Variants in FAM174C observed in about 807,000 individuals in gnomAD.
FAM174C encodes family with sequence similarity 174 member C, also known as protein FAM174C.
Under a neutral mutation model 12.3 loss-of-function variants are expected in FAM174C, and 19 were observed. That is an observed-to-expected ratio of 1.55 (90% confidence interval 1.08 to 2.27). FAM174C has a LOEUF of 2.27. FAM174C is among the 30% of genes most tolerant of loss of function. The pLI, the probability that FAM174C is intolerant of heterozygous loss-of-function variation, is 0.00. For missense variants in FAM174C, 239 were observed against 190.2 expected (o/e 1.26, Z -1.51); for synonymous variants, 147 against 103.5 (o/e 1.42, Z -2.55).
intron 1 of FAM174C, chr19:1,276,150 G>A: frequency 2.7e-6 from 1 of 373,538 alleles, no homozygotes; most frequent in Non-Finnish European, 4.9e-6. Context: ...TCAGGCCCTG[G>A]CGGGGCGAGG....
At position 1,278,872 on chromosome 19, in the gene FAM174C, C is replaced by T; in HGVS notation, c.*95C>T. 1.2e-6 allele frequency: 2 copies of T among 1,613,096 alleles called. No homozygotes were observed. Among genetic ancestry groups the T allele is most frequent in the Non-Finnish European group, 1.7e-6 (2 of 1,179,844 alleles). On this transcript the variant is annotated 3_prime_UTR_variant, in exon 3 of 3. Coordinates refer to ENST00000409293, the MANE Select transcript of FAM174C (RefSeq NM_017914.4). ...CCCAGCAACCCCCTGCTCCACCGCT[C>T]ATTCCCCTGCTGGCCCCGGGGCTGG...
intron 2 of FAM174C, 36 bp from the exon 3 acceptor site, chr19:1,278,741 A>G (rs768967740): frequency 6.2e-6 from 10 of 1,610,052 alleles, no homozygotes; most frequent in African/African-American, 1.3e-5. Context: ...CGGGCCCTTC[A>G]CTCCTTCCCT....
At chr19:1,278,713 A>G in intron 2 of FAM174C, 64 bp from the exon 3 acceptor site, 1 of 1,600,266 alleles carries the variant, frequency 6.2e-7, no homozygotes, top group Non-Finnish European at 8.5e-7. Flanking sequence ...GACCTGGGTG[A>G]GCCTCTGCCC....
Position 1,279,028 on chromosome 19 carries a change from A to G in FAM174C, c.*251A>G. The G allele has an allele frequency of 6.2e-7, 1 of 1,611,744 alleles. No individual in the cohort carries two copies. The highest frequency in any genetic ancestry group is 8.5e-7 in the Non-Finnish European group (1 of 1,179,950). On this transcript the variant is annotated 3_prime_UTR_variant, in exon 3 of 3. Coordinates refer to ENST00000409293, the MANE Select transcript of FAM174C (RefSeq NM_017914.4). Reference sequence around the variant, plus strand: ...CTGTCCCAGCCTGGCCGAGGGTCCCAGGTGAAGACTGGAGGGACCCCAACA... The same window carrying G: ...CTGTCCCAGCCTGGCCGAGGGTCCCGGGTGAAGACTGGAGGGACCCCAACA...
Position 1,277,444 on chromosome 19 carries a change from G to C in FAM174C, c.398+145G>C. The C allele has an allele frequency of 3.2e-6, 4 of 1,265,704 alleles. No individual in the cohort carries two copies. In the South Asian group the frequency reaches 9.1e-5, roughly 29 times the overall value. 78.4% of individuals were successfully genotyped at this position (1,265,704 alleles called of 1,614,324 possible). On this transcript the variant is annotated intron_variant, in intron 2 of 2. Transcript: ENST00000409293. ...GTCAGGCCATGGCCCCACTGGGCAGGGCTCATCCCTTCTCCCAGCCTCCAT... is the reference window on the plus strand; with the variant it reads ...GTCAGGCCATGGCCCCACTGGGCAGCGCTCATCCCTTCTCCCAGCCTCCAT...
intron 1 of FAM174C, chr19:1,276,541 G>T (rs1600042077): frequency 6.6e-6 from 1 of 152,356 alleles, no homozygotes; most frequent in Non-Finnish European, 1.5e-5. Context: ...CCCTGGCAAA[G>T]TCAAGCCGCT....
chr19:1,278,059 G>C (rs1337299436), intron 2 of FAM174C: 2 of 153,214 alleles, frequency 1.3e-5, no homozygotes, highest in Non-Finnish European at 2.9e-5. Context: ...ACAGGTGTGA[G>C]CCACCGTGGT....
Position 1,275,912 on chromosome 19 carries a change from G to A in FAM174C, c.281+82G>A, listed in dbSNP as rs912503173. ...AGTGCGTCACGTGCCGGGCCGCGGGGTCCTCCCCTCCCTCCCTCCCTCCCT... is the reference window on the plus strand; with the variant it reads ...AGTGCGTCACGTGCCGGGCCGCGGGATCCTCCCCTCCCTCCCTCCCTCCCT... On this transcript the variant is annotated intron_variant, in intron 1 of 2. Coordinates refer to ENST00000409293, the MANE Select transcript of FAM174C (RefSeq NM_017914.4). 13 of 1,283,572 alleles carry A rather than the reference G, an allele frequency of 1.0e-5. No homozygotes were observed. The African/African-American group carries it at 1.1e-4, about 11-fold the overall frequency. The allele number at this position is 1,283,572 out of a possible 1,614,324, so 79.5% of individuals were successfully genotyped here.
chr19:1,276,073 TA>T (rs1192222510), intron 1 of FAM174C: 2 of 516,412 alleles, frequency 3.9e-6, no homozygotes, highest in African/African-American at 4.1e-5. Context: ...CGCCGCCTCT[TA>T]ACTCGGGGGT....
intron 1 of FAM174C, chr19:1,276,105 T>G (rs1362220169): frequency 4.1e-6 from 2 of 482,654 alleles, no homozygotes; most frequent in Non-Finnish European, 7.4e-6. Context: ...GTTTCCCAGG[T>G]GGGGCCACTG....
At chr19:1,276,155 G>T (rs1218874505) in intron 1 of FAM174C, 2 of 360,362 alleles carry the variant, frequency 5.5e-6, no homozygotes, top group Admixed American at 4.7e-5. Context: ...CCCTGGCGGG[G>T]CGAGGGGGCC....
At chr19:1,278,425 G>A (rs2081425106) in intron 2 of FAM174C, among the ~76,000 whole-genome samples, 1 of 152,112 alleles carries the variant, frequency 6.6e-6, no homozygotes, top group Non-Finnish European at 1.5e-5. Flanking sequence ...GCCTGTTGGG[G>A]GGTGGCAGGC....
chr19:1,275,576 GCTGCTGCTGCTC>G lies in FAM174C; in HGVS notation c.34_45del (p.Leu12_Leu15del). ...TGGGGCCGCGCGTGCTGCAGCCGCC[GCTGCTGCTGCTC>G]CTGCTGGCGCTGCTGCTGGCGGCGC... is the stretch of plus-strand genomic sequence containing the variant. On this transcript the variant is annotated inframe_deletion, in exon 1 of 3. Transcript: ENST00000409293. 1 of 1,221,864 alleles carries G rather than the reference GCTGCTGCTGCTC, an allele frequency of 8.2e-7. No individual in the cohort carries two copies. Among genetic ancestry groups the G allele is most frequent in the Non-Finnish European group, 1.0e-6 (1 of 983,930 alleles). 75.7% of individuals were successfully genotyped at this position (1,221,864 alleles called of 1,614,324 possible). A position where few individuals can be genotyped will look rare whatever the true frequency, so the allele number is the denominator to read the frequency against.
rs140080361 is a variant in FAM174C, at chr19:1,278,265, G to A, written c.*-512G>A. Among the ~76,000 whole-genome samples, 377 of 152,060 alleles carry A rather than the reference G, an allele frequency of 2.5e-3. 2 individuals carry two copies. The highest frequency in any genetic ancestry group is 8.6e-3 in the African/African-American group (358 of 41,514). ...GGCTTCTGGAAGAGTGTCTCAGGCCGAGGGAACAGCAGGGAGCGGCCGGGC... is the reference window on the plus strand; with the variant it reads ...GGCTTCTGGAAGAGTGTCTCAGGCCAAGGGAACAGCAGGGAGCGGCCGGGC... On this transcript the variant is annotated intron_variant, in intron 2 of 2. Transcript: ENST00000409293.
chr19:1,276,078 C>T (rs1288866214), intron 1 of FAM174C: 1 of 513,686 alleles, frequency 1.9e-6, no homozygotes. Flanking sequence ...CCTCTTAACT[C>T]GGGGGTGACG....
rs770946985 is a variant in FAM174C, at chr19:1,275,794, G to T, written c.245G>T (p.Gly82Val). The change falls in exon 1 of 3, where the codon GGC becomes GTC. Residue 82 changes from glycine to valine, a missense_variant. Transcript: ENST00000409293. ...RSFYVILGFC[G>V]LTALYFLIRA... ...TTCTACGTGATCCTGGGCTTCTGCG[G>T]CCTGACCGCGCTCTACTTCCTGATC... The T allele has an allele frequency of 6.5e-6, 10 of 1,538,504 alleles. No individual in the cohort carries two copies. In the Admixed American group the frequency reaches 1.8e-4, roughly 27 times the overall value.
chr19:1,278,646 G>T (rs1293752369), intron 2 of FAM174C, 131 bp from the exon 3 acceptor site: 13 of 1,499,486 alleles, frequency 8.7e-6, no homozygotes, highest in South Asian at 3.8e-5. Flanking sequence ...GAGGCCAGTG[G>T]GGGGAGGCTG....
At chr19:1,278,725 G>C (rs2081426431) in intron 2 of FAM174C, 52 bp from the exon 3 acceptor site, 1 of 1,606,376 alleles carries the variant, frequency 6.2e-7, no homozygotes, top group African/African-American at 1.3e-5. Context: ...CCTCTGCCCG[G>C]CAGGGCGGGC....
intron 1 of FAM174C, 171 bp from the exon 2 acceptor site, chr19:1,277,012 G>T: frequency 9.5e-7 from 1 of 1,048,676 alleles, no homozygotes; most frequent in Non-Finnish European, 1.3e-6. Flanking sequence ...CCATGGGAGT[G>T]AATGGTAATC....
Sources: allele counts gnomAD v4.1 joint callset (sites outside exome capture counted in the v4.1 genomes callset), GRCh38; gene constraint gnomAD v4.1.1; transcripts MANE v1.5; gene names NCBI Gene and HGNC (gene_info 2026-07-23, HGNC 2026-07-21).